ADAM29: variants seen among roughly 807,000 people sequenced by gnomAD.
ADAM29 encodes the protein ADAM metallopeptidase domain 29, also known as disintegrin and metalloproteinase domain-containing protein 29.
For missense variants in ADAM29, 969 were observed against 1,001.8 expected (o/e 0.97, Z 0.44); for synonymous variants, 367 against 342.3 (o/e 1.07, Z -0.80).
chr4:174,923,318 G>C (rs993937759), intron 2 of ADAM29, among the ~76,000 whole-genome samples: 3 of 151,730 alleles, frequency 2.0e-5, no homozygotes, highest in African/African-American at 7.3e-5. Flanking sequence ...GACTCCCAAA[G>C]TGCTGGGATT....
intron 4 of ADAM29, among the ~76,000 whole-genome samples, chr4:174,957,200 T>A (rs917104312): frequency 3.3e-5 from 5 of 151,874 alleles, no homozygotes; most frequent in Non-Finnish European, 7.4e-5. Context: ...TTTCCTCAGT[T>A]CAGTTCTGTG....
At chr4:174,970,480 C>A (rs1219478998) in intron 4 of ADAM29, among the ~76,000 whole-genome samples, 1 of 152,064 alleles carries the variant, frequency 6.6e-6, no homozygotes, top group African/African-American at 2.4e-5. Flanking sequence ...AGTCTATGAG[C>A]CATTAATGTG....
chr4:174,949,694 G>A lies in ADAM29; in HGVS notation c.-181+12681G>A, dbSNP rs201157940. Reference sequence around the variant, plus strand: ...GTATCACAGTCTCTTGGTGGGAGATGTTCCTCCTGGCTGCAGCTAGTCAGC... The same window carrying A: ...GTATCACAGTCTCTTGGTGGGAGATATTCCTCCTGGCTGCAGCTAGTCAGC... On this transcript the variant is annotated intron_variant, in intron 4 of 4. Coordinates refer to ENST00000359240, the MANE Select transcript of ADAM29 (RefSeq NM_014269.4). 2.0e-5 allele frequency among the ~76,000 whole-genome samples: 3 copies of A among 151,942 alleles called. No individual in the cohort carries two copies. In the East Asian group the frequency reaches 5.8e-4, roughly 29 times the overall value.
chr4:174,952,987 T>C (rs1272309302), intron 4 of ADAM29, among the ~76,000 whole-genome samples: 9 of 152,292 alleles, frequency 5.9e-5, no homozygotes, highest in Non-Finnish European at 2.9e-5. Flanking sequence ...CTGAACAATT[T>C]TATCATTAAG....
chr4:174,956,569 T>C (rs1400539776), intron 4 of ADAM29, among the ~76,000 whole-genome samples: 1 of 151,722 alleles, frequency 6.6e-6, no homozygotes, highest in East Asian at 1.9e-4. Context: ...AATCACTCCC[T>C]TTATACCATG....
chr4:174,937,744 G>T (rs980073234), intron 4 of ADAM29, among the ~76,000 whole-genome samples: 2 of 152,012 alleles, frequency 1.3e-5, no homozygotes, highest in Non-Finnish European at 2.9e-5. Context: ...CTGAGCCTCG[G>T]ATTGAAGCAG....
chr4:174,974,678 A>G (rs1308806855), intron 4 of ADAM29, among the ~76,000 whole-genome samples: 1 of 152,232 alleles, frequency 6.6e-6, no homozygotes, highest in East Asian at 1.9e-4. Context: ...CAAGTCAACC[A>G]TTATTTATTA....
At chr4:174,960,255 T>G (rs1402714385) in intron 4 of ADAM29, among the ~76,000 whole-genome samples, 2 of 152,044 alleles carry the variant, frequency 1.3e-5, no homozygotes. Flanking sequence ...TAATAAACTT[T>G]GGTCTGTTAA....
chr4:174,929,506 C>T (rs562991529), intron 2 of ADAM29, among the ~76,000 whole-genome samples: 5 of 152,068 alleles, frequency 3.3e-5, no homozygotes, highest in Non-Finnish European at 5.9e-5. Context: ...TCCACAAAGG[C>T]AGAGTCCCTG....
In ADAM29 at chr4:174,976,231, T is replaced by A; in HGVS notation, c.706T>A (p.Leu236Met). 2 of 1,604,766 alleles carry A rather than the reference T, an allele frequency of 1.2e-6. No homozygotes were observed. Among genetic ancestry groups the A allele is most frequent in the Non-Finnish European group, 8.5e-7 (1 of 1,177,032 alleles). ...YVIVNIVDSILDVIGVKVLLF... is the reference protein window; with the variant it reads ...YVIVNIVDSIMDVIGVKVLLF... ...TATTGTTAATATAGTGGATTCCATTTTGGATGTCATTGGTGTTAAGGTGTT... is the reference window on the plus strand; with the variant it reads ...TATTGTTAATATAGTGGATTCCATTATGGATGTCATTGGTGTTAAGGTGTT... Residue 236 changes from leucine (L) to methionine (M), a missense_variant, in exon 5 of 5, where the codon TTG (leucine) becomes ATG (methionine). Leu to Met is a conservative substitution (Grantham distance 15). Transcript: ENST00000359240.
rs1746892513 is a variant in ADAM29 at position 174,977,278 on chromosome 4, G to T, written c.1753G>T (p.Asp585Tyr). ...CAATGACATAATGTGCTGGAGTACT[G>T]ATTACCATTTGGGGATGAAGGGACC... ...RFNDIMCWST[D>Y]YHLGMKGPDI... The change falls in exon 5 of 5, where the codon GAT (aspartate) becomes TAT (tyrosine). Residue 585 changes from aspartate to tyrosine, a missense_variant. Physicochemically the swap from Asp to Tyr is radical, Grantham distance 160. Coordinates refer to ENST00000359240, the MANE Select transcript of ADAM29 (RefSeq NM_014269.4). 1 of 1,613,928 alleles carries T rather than the reference G, an allele frequency of 6.2e-7. No individual in the cohort carries two copies. Among genetic ancestry groups the T allele is most frequent in the African/African-American group, 1.3e-5 (1 of 75,072 alleles).
intron 4 of ADAM29, among the ~76,000 whole-genome samples, chr4:174,955,647 T>C: frequency 7.6e-6 from 1 of 132,104 alleles, no homozygotes; most frequent in East Asian, 2.3e-4. Flanking sequence ...TAAACTGTCC[T>C]ATTTGTAATT....
chr4:174,961,063 G>A (rs1745790408), intron 4 of ADAM29, among the ~76,000 whole-genome samples: 1 of 151,946 alleles, frequency 6.6e-6, no homozygotes, highest in African/African-American at 2.4e-5. Context: ...ATTCTGGCAT[G>A]GCCTGTGGAA....
At chr4:174,950,353 C>G (rs549125449) in intron 4 of ADAM29, among the ~76,000 whole-genome samples, 1 of 152,294 alleles carries the variant, frequency 6.6e-6, no homozygotes, top group Non-Finnish European at 1.5e-5. Flanking sequence ...TTTTCATCTC[C>G]CTGGCAAGGT....
chr4:174,952,997 G>A (rs1207517071), intron 4 of ADAM29, among the ~76,000 whole-genome samples: 1 of 152,110 alleles, frequency 6.6e-6, no homozygotes, highest in Admixed American at 6.6e-5. Flanking sequence ...TTATCATTAA[G>A]AATGCTAGGC....
In ADAM29 at chr4:174,975,560, TG is replaced by T; in HGVS notation, c.36del (p.Leu14CysfsTer21). On this transcript the variant is annotated frameshift_variant, in exon 5 of 5. Transcript: ENST00000359240. LOFTEE classifies it low-confidence loss of function (END_TRUNC). ...TTACTCCTGCTGCATTGCCTTGGGG[TG>T]TTTCTGTCCTGTTCTGGACACATCC... ...KMLLLLHCLG[V>X]FLSCSGHIQD... is the part of the protein sequence containing the mutation. The T allele has an allele frequency of 6.5e-7, 1 of 1,530,286 alleles. No homozygotes were observed. Among genetic ancestry groups the T allele is most frequent in the Non-Finnish European group, 8.8e-7 (1 of 1,140,364 alleles). The allele number at this position is 1,530,286 out of a possible 1,614,324, so 94.8% of individuals were successfully genotyped here. A position where few individuals can be genotyped will look rare whatever the true frequency, so the allele number is the denominator to read the frequency against.
At chr4:174,940,759 A>T (rs1481033954) in intron 4 of ADAM29, among the ~76,000 whole-genome samples, 2 of 152,170 alleles carry the variant, frequency 1.3e-5, no homozygotes, top group African/African-American at 2.4e-5. Context: ...TTTATATGTG[A>T]CATTTTCAGC....
intron 4 of ADAM29, among the ~76,000 whole-genome samples, chr4:174,970,795 G>C (rs754022516): frequency 6.6e-6 from 1 of 151,992 alleles, no homozygotes; most frequent in South Asian, 2.1e-4. Flanking sequence ...GTTATCTTAC[G>C]ATCCATTTTA....
At chr4:174,941,646 C>T (rs1744541749) in intron 4 of ADAM29, among the ~76,000 whole-genome samples, 1 of 152,094 alleles carries the variant, frequency 6.6e-6, no homozygotes, top group African/African-American at 2.4e-5. Flanking sequence ...AAATCACCAC[C>T]AGGTCCCTCT....
Sources: allele counts gnomAD v4.1 joint callset (sites outside exome capture counted in the v4.1 genomes callset), GRCh38; gene constraint gnomAD v4.1.1; transcripts MANE v1.5; gene names NCBI Gene and HGNC (gene_info 2026-07-23, HGNC 2026-07-21).